The following ZNF654 variants were observed in gnomAD, a reference collection of about 807,000 sequenced individuals.
ZNF654 encodes the protein zinc finger protein 654, also known as melanoma-associated antigen.
ZNF654 carries 19 observed loss-of-function variants against 95.3 expected under a neutral mutation model. The ratio of observed to expected loss-of-function variants is 0.20; its 90% CI spans 0.14 to 0.29. The LOEUF (loss-of-function observed/expected upper bound fraction) is 0.29. Ranked by LOEUF, ZNF654 falls within the 10% of genes least tolerant of loss-of-function variation. The pLI, the probability that ZNF654 is intolerant of heterozygous loss-of-function variation, is 1.00. For synonymous variants in ZNF654, 413 were observed against 457.9 expected, an observed-to-expected ratio of 0.90 and a Z score of 1.25; for missense variants, 1,046 against 1,341.0, an observed-to-expected ratio of 0.78 and a Z score of 3.44.
intron 2 of ZNF654, among the ~76,000 whole-genome samples, chr3:88,090,779 G>A (rs1708590679): frequency 6.6e-6 from 1 of 152,062 alleles, no homozygotes; most frequent in Non-Finnish European, 1.5e-5. Context: ...CAATCTTATG[G>A]CTTCCCTGGC....
intron 8 of ZNF654, 153 bp downstream of exon 8, chr3:88,141,201 A>G (rs1364756491): frequency 5.9e-6 from 5 of 850,712 alleles, no homozygotes; most frequent in Non-Finnish European, 7.0e-6. Context: ...AATACATACA[A>G]CCACTATGAG....
At position 88,060,568 on chromosome 3, in the gene ZNF654, C is replaced by T. The variant is rs149629397; in HGVS notation, c.186+1063C>T. Among the ~76,000 whole-genome samples, 1,439 of 152,276 alleles carry T rather than the reference C, an allele frequency of 9.4e-3. 24 individuals carry two copies. The highest frequency in any genetic ancestry group is 0.032 in the African/African-American group (1,335 of 41,558). On this transcript the variant is annotated intron_variant, in intron 1 of 8. Transcript: ENST00000636215. ...GTATAGGGTTCAGATTCTGGCTCCA[C>T]CATCTCCTGGCAGAAATTATTACCT... is the stretch of plus-strand genomic sequence containing the variant.
At chr3:88,126,986 T>C (rs1232841436) in intron 4 of ZNF654, among the ~76,000 whole-genome samples, 1 of 152,184 alleles carries the variant, frequency 6.6e-6, no homozygotes, top group East Asian at 1.9e-4. Flanking sequence ...CAGGAGGCTT[T>C]GTCAACTGCT....
At chr3:88,067,014 A>G (rs1559686836) in intron 1 of ZNF654, among the ~76,000 whole-genome samples, 3 of 152,222 alleles carry the variant, frequency 2.0e-5, no homozygotes, top group African/African-American at 4.8e-5. Context: ...CCTAAAGTCT[A>G]GTACATTAAC....
rs560004602 is a variant in ZNF654 at position 88,121,452 on chromosome 3, T to TC, written c.415-4681dup. On this transcript the variant is annotated intron_variant, in intron 3 of 8. Coordinates refer to ENST00000636215, the MANE Select transcript of ZNF654 (RefSeq NM_001350134.2). ...TAAATCATTTTCTTTGTAAAAACTT[T>TC]CTATTGAAAAACAGTAACTTCTTTC... is the stretch of plus-strand genomic sequence containing the variant. Among the ~76,000 whole-genome samples, 92 of 152,274 alleles carry TC rather than the reference T, an allele frequency of 6.0e-4. No homozygotes were observed. In the East Asian group the frequency reaches 0.015, roughly 25 times the overall value.
At chr3:88,095,671 C>A in intron 2 of ZNF654, 1 of 467,762 alleles carries the variant, frequency 2.1e-6, no homozygotes, top group Non-Finnish European at 4.2e-6. Flanking sequence ...CTTTTTTGGA[C>A]TTGATACTGT....
chr3:88,120,699 A>G (rs1705713959), intron 3 of ZNF654, among the ~76,000 whole-genome samples: 2 of 152,198 alleles, frequency 1.3e-5, no homozygotes, highest in African/African-American at 4.8e-5. Context: ...CTTTATGCGT[A>G]TATTACTTAC....
At position 88,144,248 on chromosome 3, in the gene ZNF654, TATATA is replaced by T. The variant is rs979714959; in HGVS notation, c.*2600_*2604del. The T allele has an allele frequency of 1.2e-4, 18 of 152,430 alleles. No homozygotes were observed. Among genetic ancestry groups the T allele is most frequent in the African/African-American group, 4.1e-4 (17 of 41,538 alleles). 9.4% of individuals were successfully genotyped at this position (152,430 alleles called of 1,614,324 possible). A position where few individuals can be genotyped will look rare whatever the true frequency, so the allele number is the denominator to read the frequency against. On this transcript the variant is annotated 3_prime_UTR_variant, in exon 9 of 9. Coordinates refer to ENST00000636215, the MANE Select transcript of ZNF654 (RefSeq NM_001350134.2). Reference sequence around the variant, plus strand: ...TATTCATTTTTTTGAAACCACCAATTATATAATACTTAAATAATTTATATCATTGA... The same window carrying T: ...TATTCATTTTTTTGAAACCACCAATTATACTTAAATAATTTATATCATTGA...
In ZNF654 at chr3:88,140,138, C is replaced by T. The variant is rs746078281; in HGVS notation, c.2469C>T (p.Asn823=). ...NVYFCLHFNC[N]ESFKLPFQLA... ...ATTTTTGTTTGCATTTTAATTGCAA[C>T]GAGTCGTTTAAGCTGCCGTTCCAGC... Residue 823 remains asparagine (N), a synonymous_variant, in exon 8 of 9, where the codon AAC becomes AAT. Transcript: ENST00000636215. 2.3e-5 allele frequency: 37 copies of T among 1,613,694 alleles called. No individual in the cohort carries two copies. Among genetic ancestry groups the T allele is most frequent in the South Asian group, 3.3e-5 (3 of 91,078 alleles).
intron 1 of ZNF654, among the ~76,000 whole-genome samples, chr3:88,066,055 A>G (rs191470232): frequency 9.2e-5 from 14 of 152,334 alleles, no homozygotes; most frequent in African/African-American, 3.4e-4. Context: ...ATTTTGTACA[A>G]ATAGATACAA....
intron 2 of ZNF654, chr3:88,095,661 C>CT: frequency 2.1e-6 from 1 of 475,440 alleles, no homozygotes; most frequent in South Asian, 1.6e-5. Flanking sequence ...ACTCTGTTCT[C>CT]TTTTTTGGAC....
intron 1 of ZNF654, among the ~76,000 whole-genome samples, chr3:88,075,203 G>C (rs1707732873): frequency 6.6e-6 from 1 of 152,132 alleles, no homozygotes; most frequent in African/African-American, 2.4e-5. Context: ...GGAATCTGTT[G>C]AGTGGCACCA....
intron 2 of ZNF654, among the ~76,000 whole-genome samples, chr3:88,094,141 TTTCTC>T (rs1464987422): frequency 2.0e-5 from 3 of 152,114 alleles, no homozygotes; most frequent in Admixed American, 1.3e-4. Context: ...TCTTAATTCT[TTTCTC>T]TTACTAAACT....
chr3:88,124,795 A>G (rs1576328260), intron 3 of ZNF654, among the ~76,000 whole-genome samples: 1 of 151,142 alleles, frequency 6.6e-6, no homozygotes, highest in South Asian at 2.1e-4. Context: ...CAACATTGCC[A>G]GTTTCTACAT....
chr3:88,077,717 A>G (rs1707890131), intron 1 of ZNF654, among the ~76,000 whole-genome samples: 1 of 152,216 alleles, frequency 6.6e-6, no homozygotes, highest in Non-Finnish European at 1.5e-5. Context: ...AAACTGACAG[A>G]ATGCAATTTA....
Position 88,144,569 on chromosome 3 carries a change from A to G in ZNF654, c.*2917A>G, listed in dbSNP as rs954640001. 9 of 152,422 alleles carry G rather than the reference A, an allele frequency of 5.9e-5. No individual in the cohort carries two copies. Among genetic ancestry groups the G allele is most frequent in the African/African-American group, 2.2e-4 (9 of 41,418 alleles). The allele number at this position is 152,422 out of a possible 1,614,324, so 9.4% of individuals were successfully genotyped here. ...TAAGAGTACAAATTAAAACTGAGCC[A>G]TTGAACTGCAATAAATCAACAATAG... On this transcript the variant is annotated 3_prime_UTR_variant, in exon 9 of 9. Transcript: ENST00000636215.
At chr3:88,075,267 C>G (rs567519654) in intron 1 of ZNF654, among the ~76,000 whole-genome samples, 1 of 152,346 alleles carries the variant, frequency 6.6e-6, no homozygotes, top group South Asian at 2.1e-4. Context: ...TGTAACGCTT[C>G]AAGCATAGTC....
intron 2 of ZNF654, chr3:88,095,401 C>T (rs1417811068): frequency 3.0e-6 from 1 of 329,398 alleles, no homozygotes; most frequent in Admixed American, 4.5e-5. Flanking sequence ...ACAGGGATCA[C>T]CCCCTTTTAG....
intron 2 of ZNF654, among the ~76,000 whole-genome samples, chr3:88,087,680 A>G (rs1438428529): frequency 6.6e-6 from 1 of 152,216 alleles, no homozygotes; most frequent in East Asian, 1.9e-4. Context: ...GGCTTATAAA[A>G]ACACTTATTA....
Sources: gnomAD v4.1 joint callset for allele counts (sites outside exome capture counted in the v4.1 genomes callset) on GRCh38, gnomAD v4.1.1 for gene constraint, MANE v1.5 for transcripts, NCBI Gene and HGNC (gene_info 2026-07-23, HGNC 2026-07-21) for gene names.